EXOC4: variants seen among roughly 807,000 people sequenced by gnomAD.
EXOC4 encodes the protein SEC8-like 1.
In EXOC4, 71 loss-of-function variants were observed where a neutral mutation model predicts 107.2. That is an observed-to-expected ratio of 0.66 (90% CI 0.55 to 0.81). The LOEUF is 0.81. Among genes scored for constraint, EXOC4 ranks in the 30% least tolerant of loss-of-function variants. EXOC4 has a pLI of 0.00. For missense variants in EXOC4, 1,108 were observed against 1,189.6 expected (o/e 0.93, Z 1.01); for synonymous variants, 456 against 441.2 (o/e 1.03, Z -0.42).
intron 10 of EXOC4, among the ~76,000 whole-genome samples, chr7:133,704,360 A>G (rs771491121): frequency 1.3e-5 from 2 of 152,326 alleles, no homozygotes; most frequent in African/African-American, 4.8e-5. Flanking sequence ...CAGGTCATAT[A>G]TGGTGGTCAT....
At chr7:134,100,493 G>A in the EXOC4 span, among the ~76,000 whole-genome samples, 2 of 127,588 alleles carry the variant, frequency 1.6e-5, no homozygotes, top group Admixed American at 9.0e-5. Flanking sequence ...AGAACCTCAA[G>A]CGGAAGGAAG....
chr7:133,681,693 A>G (rs2151068798), intron 10 of EXOC4, among the ~76,000 whole-genome samples: 1 of 152,118 alleles, frequency 6.6e-6, no homozygotes, highest in African/African-American at 2.4e-5. Flanking sequence ...TTGGGTGGGC[A>G]CACAGCCAAA....
At position 133,638,005 on chromosome 7, in the gene EXOC4, G is replaced by A. The variant is rs1326536031; in HGVS notation, c.1514+7864G>A. ...CCAATCTAGTTAGCACAAAAGAATA[G>A]GCGGTTTCTCATGAGAAACAGTAGG... On this transcript the variant is annotated intron_variant, in intron 10 of 17. Coordinates refer to ENST00000253861, the MANE Select transcript of EXOC4 (RefSeq NM_021807.4). Among the ~76,000 whole-genome samples, 7 of 152,098 alleles carry A rather than the reference G, an allele frequency of 4.6e-5. 1 individual carries two copies. Among genetic ancestry groups the A allele is most frequent in the Admixed American group, 2.0e-4 (3 of 15,278 alleles).
At chr7:133,513,882 T>C (rs1799820409) in intron 9 of EXOC4, among the ~76,000 whole-genome samples, 1 of 152,210 alleles carries the variant, frequency 6.6e-6, no homozygotes, top group African/African-American at 2.4e-5. Flanking sequence ...GTGAGCTGTA[T>C]CTGCTCTCCA....
At chr7:133,405,385 C>T (rs937300342) in intron 7 of EXOC4, among the ~76,000 whole-genome samples, 4 of 151,866 alleles carry the variant, frequency 2.6e-5, no homozygotes, top group East Asian at 3.9e-4. Flanking sequence ...AATTGTAAAA[C>T]GTTAAATTTT....
chr7:133,800,040 C>G (rs997371334), intron 10 of EXOC4, among the ~76,000 whole-genome samples: 2 of 126,106 alleles, frequency 1.6e-5, no homozygotes, highest in East Asian at 5.7e-4. Context: ...TCCATCCATC[C>G]ACCCACCCAC....
intron 7 of EXOC4, among the ~76,000 whole-genome samples, chr7:133,461,133 A>G (rs1175481040): frequency 6.6e-6 from 1 of 152,140 alleles, no homozygotes; most frequent in African/African-American, 2.4e-5. Context: ...GATAGGGATA[A>G]TATGCATATA....
intron 14 of EXOC4, among the ~76,000 whole-genome samples, chr7:133,985,417 C>T (rs1481725426): frequency 6.6e-6 from 1 of 152,160 alleles, no homozygotes; most frequent in African/African-American, 2.4e-5. Context: ...GTTCCACAAG[C>T]CCAGCTGCTG....
chr7:133,938,411 C>T (rs1377838849), intron 14 of EXOC4, among the ~76,000 whole-genome samples: 2 of 152,178 alleles, frequency 1.3e-5, no homozygotes, highest in Non-Finnish European at 2.9e-5. Context: ...AACAACTTCT[C>T]AAGGGCAGAA....
chr7:133,954,199 C>T (rs2001618), intron 14 of EXOC4, among the ~76,000 whole-genome samples: 126,454 of 152,222 alleles, frequency 0.83, 53,061 homozygotes, highest in Admixed American at 0.89. Context: ...GGCATTGTCA[C>T]TGTTCCTGGT....
Position 133,767,346 on chromosome 7 carries a change from A to G in EXOC4, c.1515-49979A>G, listed in dbSNP as rs1053678601. Among the ~76,000 whole-genome samples, 3 of 151,900 alleles carry G rather than the reference A, an allele frequency of 2.0e-5. 1 individual carries two copies. Among genetic ancestry groups the G allele is most frequent in the Admixed American group, 2.0e-4 (3 of 15,214 alleles). On this transcript the variant is annotated intron_variant, in intron 10 of 17. Coordinates refer to ENST00000253861, the MANE Select transcript of EXOC4 (RefSeq NM_021807.4). ...TTATAAAATGGGGTGCTCAATGATGACAGCCATCTAGGGCTAGACAGAAGG... is the reference window on the plus strand; with the variant it reads ...TTATAAAATGGGGTGCTCAATGATGGCAGCCATCTAGGGCTAGACAGAAGG...
chr7:133,847,266 TC>T (rs1585194700), intron 11 of EXOC4, among the ~76,000 whole-genome samples: 2 of 152,324 alleles, frequency 1.3e-5, no homozygotes, highest in East Asian at 3.9e-4. Flanking sequence ...TAAGATGTGT[TC>T]ACTATGATAT....
intron 9 of EXOC4, among the ~76,000 whole-genome samples, chr7:133,495,784 G>C (rs1363975228): frequency 6.6e-6 from 1 of 152,118 alleles, no homozygotes; most frequent in Non-Finnish European, 1.5e-5. Flanking sequence ...CCTATGAACA[G>C]TTGTATTACA....
At chr7:133,615,067 T>A (rs1802162609) in intron 9 of EXOC4, among the ~76,000 whole-genome samples, 1 of 152,172 alleles carries the variant, frequency 6.6e-6, no homozygotes, top group South Asian at 2.1e-4. Context: ...CCTTCTATGA[T>A]ATCGTCACTG....
chr7:133,692,165 G>A (rs573347420), intron 10 of EXOC4, among the ~76,000 whole-genome samples: 1 of 152,166 alleles, frequency 6.6e-6, no homozygotes, highest in Non-Finnish European at 1.5e-5. Context: ...CTACCTTAGC[G>A]CCAATAAACC....
At chr7:133,684,207 A>C (rs1481507216) in intron 10 of EXOC4, among the ~76,000 whole-genome samples, 2 of 152,192 alleles carry the variant, frequency 1.3e-5, no homozygotes, top group Non-Finnish European at 2.9e-5. Context: ...AGGATGTAGT[A>C]TCATTCTTGC....
At chr7:133,953,513 T>C (rs1800742318) in intron 14 of EXOC4, among the ~76,000 whole-genome samples, 1 of 151,986 alleles carries the variant, frequency 6.6e-6, no homozygotes, top group Non-Finnish European at 1.5e-5. Context: ...TAGCTGGGCA[T>C]GGTCATGTAC....
At chr7:133,388,548 G>A (rs1796780337) in intron 7 of EXOC4, among the ~76,000 whole-genome samples, 1 of 152,104 alleles carries the variant, frequency 6.6e-6, no homozygotes, top group South Asian at 2.1e-4. Context: ...TACTTGGGAG[G>A]CTGAGGCAGG....
chr7:133,440,600 C>T (rs1053230913), intron 7 of EXOC4, among the ~76,000 whole-genome samples: 1 of 152,152 alleles, frequency 6.6e-6, no homozygotes, highest in African/African-American at 2.4e-5. Context: ...AGATACAGGT[C>T]ATAAAGACCT....
Sources: gnomAD v4.1 joint callset for allele counts (sites outside exome capture counted in the v4.1 genomes callset) on GRCh38, gnomAD v4.1.1 for gene constraint, MANE v1.5 for transcripts, NCBI Gene and HGNC (gene_info 2026-07-23, HGNC 2026-07-21) for gene names.